SCNN1D: variants seen among roughly 807,000 people sequenced by gnomAD.
The protein encoded by SCNN1D is epithelial sodium channel subunit delta.
Under a neutral mutation model 87.8 loss-of-function variants are expected in SCNN1D, and 104 were observed. The ratio of observed to expected loss-of-function variants is 1.18; its 90% CI spans 1.01 to 1.39. The LOEUF (loss-of-function observed/expected upper bound fraction) is 1.39, where lower values mean the gene tolerates loss of function less well. SCNN1D is among the 40% of genes most tolerant of loss of function. The pLI is 0.00. For synonymous variants in SCNN1D, 628 were observed against 481.2 expected (o/e 1.31, Z -3.99); for missense variants, 1,324 against 1,093.9 (o/e 1.21, Z -2.97).
At position 1,288,025 on chromosome 1, in the gene SCNN1D, C is replaced by T; in HGVS notation, c.1650C>T (p.Ser550=). The T allele has an allele frequency of 2.0e-6, 3 of 1,531,716 alleles. No individual in the cohort carries two copies. The highest frequency in any genetic ancestry group is 2.6e-6 in the Non-Finnish European group (3 of 1,137,992). The allele number at this position is 1,531,716 out of a possible 1,614,324, so 94.9% of individuals were successfully genotyped here. Residue 550 remains serine (S), a synonymous_variant, in exon 12 of 18, where the codon TCC becomes TCT. Transcript: ENST00000379116. ...GVEVELLHNT[S]YTRQACLVSC... is the part of the protein sequence containing the mutation. ...AGGTGGAGCTGCTACACAACACCTC[C>T]TACACCAGGCAGGTGAGGCTGGGCT...
Position 1,287,969 on chromosome 1 carries a change from G to C in SCNN1D, c.1594G>C (p.Gly532Arg), listed in dbSNP as rs1384091620. 1.0e-5 allele frequency: 16 copies of C among 1,547,142 alleles called. No homozygotes were observed. The highest frequency in any genetic ancestry group is 1.3e-5 in the Non-Finnish European group (15 of 1,145,166). Reference sequence around the variant, plus strand: ...GGTGCACCGGCTCGGGAGCCCCTACGGCCACTGCACCGCCGGCGGGGAAGG... The same window carrying C: ...GGTGCACCGGCTCGGGAGCCCCTACCGCCACTGCACCGCCGGCGGGGAAGG... Reference protein sequence around the residue: ...DEVHRLGSPYGHCTAGGEGVE... With the variant: ...DEVHRLGSPYRHCTAGGEGVE... Residue 532 changes from glycine to arginine, a missense_variant, in exon 12 of 18, where the codon GGC becomes CGC. Physicochemically the swap from Gly to Arg is moderately radical, Grantham distance 125. Transcript: ENST00000379116.
Position 1,281,579 on chromosome 1 carries a change from A to G in SCNN1D, c.246A>G (p.Leu82=), listed in dbSNP as rs1640472631. The part of the protein sequence containing the change: ...GHVLCGYPLC[L]LSGPIQGCGT... Reference sequence around the variant, plus strand: ...TGCTCTGTGGCTACCCCCTCTGCCTACTCTCTGGCCCGATACAGGGGTGTG... The same window carrying G: ...TGCTCTGTGGCTACCCCCTCTGCCTGCTCTCTGGCCCGATACAGGGGTGTG... The change falls in exon 3 of 18, where the codon CTA becomes CTG. Residue 82 remains leucine, a synonymous_variant. Coordinates refer to ENST00000379116, the MANE Select transcript of SCNN1D (RefSeq NM_001130413.4). 3 of 1,535,390 alleles carry G rather than the reference A, an allele frequency of 2.0e-6. No homozygotes were observed. Among genetic ancestry groups the G allele is most frequent in the Non-Finnish European group, 2.6e-6 (3 of 1,146,672 alleles).
Position 1,291,567 on chromosome 1 carries a change from A to T in SCNN1D, c.2366A>T (p.Glu789Val). 6.3e-7 allele frequency: 1 copy of T among 1,579,766 alleles called. No individual in the cohort carries two copies. Among genetic ancestry groups the T allele is most frequent in the Non-Finnish European group, 8.6e-7 (1 of 1,159,300 alleles). The change falls in exon 18 of 18, where the codon GAG becomes GTG. Residue 789 changes from glutamate (E) to valine (V), a missense_variant. By Grantham distance (121) the Glu-to-Val change is moderately radical. Coordinates refer to ENST00000379116, the MANE Select transcript of SCNN1D (RefSeq NM_001130413.4). ...PGVLAGVSAE[E>V]SWAGPQPLET... ...GTTCTGGCGGGAGTCTCAGCCGAAG[A>T]GAGCTGGGCTGGGCCCCAGCCCCTT... is the stretch of plus-strand genomic sequence containing the variant.
chr1:1,281,162 C>A, intron 1 of SCNN1D, 64 bp from the exon 2 acceptor site: 1 of 1,453,240 alleles, frequency 6.9e-7, no homozygotes, highest in Non-Finnish European at 9.3e-7. Context: ...GGGGAGGAAA[C>A]GGGGCTCTGG....
intron 15 of SCNN1D, 37 bp downstream of exon 15, chr1:1,290,731 G>C (rs370858230): frequency 1.9e-6 from 3 of 1,610,402 alleles, no homozygotes; most frequent in Non-Finnish European, 2.5e-6. Flanking sequence ...GGTGTGGACA[G>C]CCAGGCAGAC....
At position 1,282,080 on chromosome 1, in the gene SCNN1D, G is replaced by A. The variant is rs1640481404; in HGVS notation, c.278-162G>A. ...CCCCAGGCCTGTGCTGTGTCCGGGG[G>A]CCCTGCCGCTGACCTGTGGGGTCTC... On this transcript the variant is annotated intron_variant, in intron 3 of 17. Transcript: ENST00000379116. 8.1e-6 allele frequency: 5 copies of A among 620,972 alleles called. No individual in the cohort carries two copies. In the East Asian group the frequency reaches 8.3e-5, roughly 10 times the overall value. The allele number at this position is 620,972 out of a possible 1,614,324, so 38.5% of individuals were successfully genotyped here. A position where few individuals can be genotyped will look rare whatever the true frequency, so the allele number is the denominator to read the frequency against.
intron 7 of SCNN1D, 96 bp from the exon 8 acceptor site, chr1:1,286,672 G>A: frequency 8.3e-7 from 1 of 1,202,836 alleles, no homozygotes; most frequent in Non-Finnish European, 1.2e-6. Flanking sequence ...GTCCCGAGTA[G>A]GGGAGGCACT....
At position 1,280,535 on chromosome 1, in the gene SCNN1D, AAGGTCTTATCGCAGATGAAGCCACC is replaced by A; in HGVS notation, c.-121_-97del. On this transcript the variant is annotated 5_prime_UTR_variant, in exon 1 of 18. It removes an upstream start codon present in the reference 5' UTR. Transcript: ENST00000379116. ...GTTACAGTATGGCGTTGTGCAGATGAAGGTCTTATCGCAGATGAAGCCACCAGGTCACAAGCCTCAGAGAGAATCA... is the reference window on the plus strand; with the variant it reads ...GTTACAGTATGGCGTTGTGCAGATGAAGGTCACAAGCCTCAGAGAGAATCA... 3 of 649,600 alleles carry A rather than the reference AAGGTCTTATCGCAGATGAAGCCACC, an allele frequency of 4.6e-6. No individual in the cohort carries two copies. The South Asian group carries it at 4.9e-5, about 11-fold the overall frequency. The allele number at this position is 649,600 out of a possible 1,614,324, so 40.2% of individuals were successfully genotyped here.
intron 12 of SCNN1D, among the ~76,000 whole-genome samples, chr1:1,288,566 G>A (rs1383083735): frequency 2.4e-4 from 5 of 20,416 alleles, no homozygotes; most frequent in Non-Finnish European, 4.1e-4. Flanking sequence ...TCTCTGCTCC[G>A]TCCCCCGTGT....
Position 1,288,228 on chromosome 1 carries a change from T to A in SCNN1D, c.1662+191T>A, listed in dbSNP as rs532469927. Among the ~76,000 whole-genome samples the A allele has an allele frequency of 2.4e-5, 3 of 127,650 alleles. 1 individual carries two copies. Among genetic ancestry groups the A allele is most frequent in the East Asian group, 8.4e-4 (2 of 2,382 alleles). 83.7% of individuals were successfully genotyped at this position (127,650 alleles called of 152,430 possible). ...CTGTGTCTCTGCTCCGTCCCGTGTC[T>A]CTGCTCCGTCCCGTGTCTCTGCTCC... On this transcript the variant is annotated intron_variant, in intron 12 of 17. Transcript: ENST00000379116.
chr1:1,291,089 C>A lies in SCNN1D; in HGVS notation c.2001C>A (p.Ile667=). ...RQRSSLAKIN[I]VYQELNYRSV... ...GGAGCAGCCTGGCCAAAATCAACATCGTCTACCAGGAGCTCAACTACCGCT... is the reference window on the plus strand; with the variant it reads ...GGAGCAGCCTGGCCAAAATCAACATAGTCTACCAGGAGCTCAACTACCGCT... Residue 667 remains isoleucine, a synonymous_variant, in exon 17 of 18, where the codon ATC becomes ATA. Coordinates refer to ENST00000379116, the MANE Select transcript of SCNN1D (RefSeq NM_001130413.4). 6.2e-7 allele frequency: 1 copy of A among 1,612,298 alleles called. No homozygotes were observed. Among genetic ancestry groups the A allele is most frequent in the Non-Finnish European group, 8.5e-7 (1 of 1,179,790 alleles).
chr1:1,286,517 G>A (rs935465275), intron 7 of SCNN1D, among the ~76,000 whole-genome samples: 2 of 152,170 alleles, frequency 1.3e-5, no homozygotes, highest in Non-Finnish European at 2.9e-5. Context: ...GCCCTCGGGA[G>A]CCTGGGAGGA....
At position 1,288,129 on chromosome 1, in the gene SCNN1D, G is replaced by A. The variant is rs1308581601; in HGVS notation, c.1662+92G>A. 5.4e-6 allele frequency: 5 copies of A among 925,100 alleles called. No individual in the cohort carries two copies. The East Asian group carries it at 8.4e-5, about 16-fold the overall frequency. The allele number at this position is 925,100 out of a possible 1,614,324, so 57.3% of individuals were successfully genotyped here. On this transcript the variant is annotated intron_variant, in intron 12 of 17. Transcript: ENST00000379116. ...TGGAACGGGGGAGGGGTCTGGGAGAGTACTAGAGGGCCTGGGAACGGGGCA... is the reference window on the plus strand; with the variant it reads ...TGGAACGGGGGAGGGGTCTGGGAGAATACTAGAGGGCCTGGGAACGGGGCA...
chr1:1,287,464 C>A lies in SCNN1D; in HGVS notation c.1311-44C>A, dbSNP rs180999821. 525 of 1,505,538 alleles carry A rather than the reference C, an allele frequency of 3.5e-4. 1 individual carries two copies. In the African/African-American group the frequency reaches 5.8e-3, roughly 17 times the overall value. 93.3% of individuals were successfully genotyped at this position (1,505,538 alleles called of 1,614,324 possible). ...GCCCCTCAGGCCAGCGTGACGGGCGCGGGCAGCCGACATTCAAGGTCTGAG... is the reference window on the plus strand; with the variant it reads ...GCCCCTCAGGCCAGCGTGACGGGCGAGGGCAGCCGACATTCAAGGTCTGAG... On this transcript the variant is annotated intron_variant, in intron 9 of 17. Coordinates refer to ENST00000379116, the MANE Select transcript of SCNN1D (RefSeq NM_001130413.4).
chr1:1,291,410 C>T lies in SCNN1D; in HGVS notation c.2209C>T (p.Pro737Ser). ...GCTCCGCAGGGCGTGGTTCTCCTGG[C>T]CCAGAGCCAGCCCTGCCTCAGGGGC... ...RRLRRAWFSW[P>S]RASPASGASS... Residue 737 changes from proline to serine, a missense_variant, in exon 18 of 18, where the codon CCC becomes TCC. Coordinates refer to ENST00000379116, the MANE Select transcript of SCNN1D (RefSeq NM_001130413.4). 6.2e-7 allele frequency: 1 copy of T among 1,607,706 alleles called. No individual in the cohort carries two copies. Among genetic ancestry groups the T allele is most frequent in the Non-Finnish European group, 8.5e-7 (1 of 1,177,916 alleles).
Position 1,286,982 on chromosome 1 carries a change from G to A in SCNN1D, c.1119+7G>A, listed in dbSNP as rs1285587008. 1.2e-6 allele frequency: 2 copies of A among 1,609,296 alleles called. No homozygotes were observed. The highest frequency in any genetic ancestry group is 2.2e-5 in the East Asian group (1 of 44,808). On this transcript the variant is annotated splice_region_variant and intron_variant, in intron 8 of 17. Transcript: ENST00000379116. ...CAGAGTGGGGTTCAGACTGGTGAGT[G>A]TCCCAGCCGGGGCCTGCAGCCATCA...
chr1:1,286,463 G>A (rs1215729698), intron 7 of SCNN1D, among the ~76,000 whole-genome samples, 185 bp downstream of exon 7: 1 of 152,222 alleles, frequency 6.6e-6, no homozygotes, highest in Admixed American at 6.5e-5. Flanking sequence ...GGACTGCCAA[G>A]GAGGGGGCTC....
rs1226194096 is a variant in SCNN1D, at chr1:1,287,932, C to T, written c.1564-7C>T. On this transcript the variant is annotated splice_polypyrimidine_tract_variant and splice_region_variant and intron_variant, in intron 11 of 17. Transcript: ENST00000379116. ...AGGGCCCATGGAACTGAAGCGTCCCCTCCCAGGACGAGGTGCACCGGCTCG... is the reference window on the plus strand; with the variant it reads ...AGGGCCCATGGAACTGAAGCGTCCCTTCCCAGGACGAGGTGCACCGGCTCG... 2 of 1,539,782 alleles carry T rather than the reference C, an allele frequency of 1.3e-6. No individual in the cohort carries two copies. The highest frequency in any genetic ancestry group is 2.5e-5 in the East Asian group (1 of 40,678).
At chr1:1,280,793 G>A (rs1640454100) in intron 1 of SCNN1D, 127 bp downstream of exon 1, 3 of 644,908 alleles carry the variant, frequency 4.7e-6, no homozygotes, top group Admixed American at 2.2e-5. Flanking sequence ...GGTTTATGAG[G>A]GAACCTAGAA....
Sources: allele counts gnomAD v4.1 joint callset (sites outside exome capture counted in the v4.1 genomes callset), GRCh38; gene constraint gnomAD v4.1.1; transcripts MANE v1.5; gene names NCBI Gene and HGNC (gene_info 2026-07-23, HGNC 2026-07-21).